Variants in GVQW3 observed in about 807,000 individuals in gnomAD.
GVQW3 encodes the protein GVQW motif containing 3, also known as protein GVQW3.
A neutral mutation model predicts 12.5 loss-of-function variants in GVQW3; 7 were observed. The observed-to-expected ratio is 0.56, with a 90% confidence interval of 0.32 to 1.05. The LOEUF is 1.05. GVQW3 is among the 50% of genes least tolerant of loss of function. The pLI is 0.04. For missense variants in GVQW3, 188 were observed against 190.8 expected (o/e 0.99, Z 0.09); for synonymous variants, 71 against 67.2 (o/e 1.06, Z -0.28).
At position 76,382,284 on chromosome 11, in the gene GVQW3, G is replaced by T. The variant is rs770069373; in HGVS notation, c.456G>T (p.Leu152Phe). 6.6e-7 allele frequency: 1 copy of T among 1,513,944 alleles called. No individual in the cohort carries two copies. The highest frequency in any genetic ancestry group is 8.9e-7 in the Non-Finnish European group (1 of 1,127,088). The allele number at this position is 1,513,944 out of a possible 1,614,324, so 93.8% of individuals were successfully genotyped here. A position where few individuals can be genotyped will look rare whatever the true frequency, so the allele number is the denominator to read the frequency against. ...SKETRKNSSC[L>F]RKKRRNLTML... is the part of the protein sequence containing the mutation. ...AAACTAGGAAAAATAGCTCATGTTT[G>T]AGGAAAAAGGTAACAGGTTCTGAAA... is the stretch of plus-strand genomic sequence containing the variant. The change falls in exon 1 of 2, where the codon TTG becomes TTT. Residue 152 changes from leucine to phenylalanine, a missense_variant. By Grantham distance (22) the Leu-to-Phe change is conservative. Transcript: ENST00000529331.
At position 76,388,694 on chromosome 11, in the gene GVQW3, C is replaced by T. The variant is rs1441911220; in HGVS notation, c.465+6401C>T. On this transcript the variant is annotated intron_variant, in intron 1 of 1. Transcript: ENST00000529331. The stretch of plus-strand genomic sequence containing the variant: ...TCTGAAATCTAATTATATTACTCTT[C>T]ACTCTTGCAAATTTTCTGTTCCGTG... Among the ~76,000 whole-genome samples, 5 of 152,088 alleles carry T rather than the reference C, an allele frequency of 3.3e-5. 1 individual carries two copies. The South Asian group carries it at 1.0e-3, about 32-fold the overall frequency.
intron 1 of GVQW3, among the ~76,000 whole-genome samples, chr11:76,398,152 A>G (rs928253588): frequency 6.7e-6 from 1 of 148,878 alleles, no homozygotes; most frequent in Non-Finnish European, 1.5e-5. Context: ...AAAAAAAAAG[A>G]AAGAAAAGAA....
chr11:76,409,830 C>A (rs1019724920), downstream of GVQW3, among the ~76,000 whole-genome samples: 4 of 152,196 alleles, frequency 2.6e-5, no homozygotes, highest in African/African-American at 9.7e-5. Context: ...CAGAGCCTCA[C>A]TAGTGATGCT....
intron 1 of GVQW3, among the ~76,000 whole-genome samples, chr11:76,387,962 G>A (rs1420711911): frequency 1.3e-5 from 2 of 152,198 alleles, no homozygotes; most frequent in African/African-American, 2.4e-5. Flanking sequence ...GAGGGACTCT[G>A]TGGAGCCAGG....
downstream of GVQW3, among the ~76,000 whole-genome samples, chr11:76,410,048 G>C (rs1424639657): frequency 6.6e-6 from 1 of 152,094 alleles, no homozygotes; most frequent in African/African-American, 2.4e-5. Context: ...CTTGAACCCA[G>C]GAGTTCAAGA....
intron 1 of GVQW3, among the ~76,000 whole-genome samples, chr11:76,398,062 G>A (rs1946955433): frequency 6.6e-6 from 1 of 150,402 alleles, no homozygotes; most frequent in Non-Finnish European, 1.5e-5. Flanking sequence ...TTGAACCCAG[G>A]AGGCAGAGGT....
chr11:76,399,657 A>G (rs1336160259), intron 1 of GVQW3, among the ~76,000 whole-genome samples: 2 of 152,162 alleles, frequency 1.3e-5, no homozygotes, highest in African/African-American at 4.8e-5. Context: ...TAATGCGAGC[A>G]GGCCTCATTC....
At chr11:76,386,259 G>T in intron 1 of GVQW3, among the ~76,000 whole-genome samples, 1 of 152,062 alleles carries the variant, frequency 6.6e-6, no homozygotes, top group East Asian at 1.9e-4. Context: ...TGCTTCATTT[G>T]CCCCACTAGT....
At chr11:76,384,413 C>A (rs1286726266) in intron 1 of GVQW3, among the ~76,000 whole-genome samples, 1 of 152,226 alleles carries the variant, frequency 6.6e-6, no homozygotes, top group African/African-American at 2.4e-5. Context: ...ACCTCCGCCT[C>A]CCAGGTTCAA....
At chr11:76,395,766 G>T (rs1946933060) in intron 1 of GVQW3, among the ~76,000 whole-genome samples, 1 of 152,158 alleles carries the variant, frequency 6.6e-6, no homozygotes, top group Admixed American at 6.5e-5. Flanking sequence ...ATGGAATACA[G>T]TGATAATAGT....
chr11:76,392,588 AT>A (rs910955117), intron 1 of GVQW3: 4 of 152,212 alleles, frequency 2.6e-5, no homozygotes, highest in African/African-American at 9.6e-5. Flanking sequence ...TAAAATGTAC[AT>A]TCTTATGATA....
At chr11:76,409,898 C>T (rs571459688), downstream of GVQW3, among the ~76,000 whole-genome samples, 1 of 152,262 alleles carries the variant, frequency 6.6e-6, no homozygotes, top group South Asian at 2.1e-4. Flanking sequence ...GGGTACTTTC[C>T]ACCCTGCTCA....
intron 1 of GVQW3, among the ~76,000 whole-genome samples, chr11:76,400,821 C>T (rs1193708271): frequency 1.3e-5 from 2 of 152,104 alleles, no homozygotes; most frequent in African/African-American, 2.4e-5. Context: ...CTCTCTTTAT[C>T]TCTCTTTACT....
At chr11:76,389,691 C>T (rs1283455666) in intron 1 of GVQW3, 1 of 152,202 alleles carries the variant, frequency 6.6e-6, no homozygotes, top group Non-Finnish European at 1.5e-5. Context: ...ACCTCCTTTG[C>T]ATTTCATTCT....
chr11:76,382,792 G>A (rs1419667649), intron 1 of GVQW3: 1 of 220,496 alleles, frequency 4.5e-6, no homozygotes, highest in African/African-American at 2.3e-5. Flanking sequence ...AGTGAGAAGA[G>A]AGGAACAGGA....
At chr11:76,392,842 A>G (rs909838150) in intron 1 of GVQW3, 1 of 152,174 alleles carries the variant, frequency 6.6e-6, no homozygotes, top group Non-Finnish European at 1.5e-5. Context: ...TTGTGTTTTT[A>G]ATATTTCTCA....
chr11:76,386,975 T>C (rs1946840606), intron 1 of GVQW3, among the ~76,000 whole-genome samples: 1 of 152,190 alleles, frequency 6.6e-6, no homozygotes, highest in Non-Finnish European at 1.5e-5. Context: ...TTATGGGCCA[T>C]ATGGTCTCTT....
At chr11:76,410,950 C>T (rs1245298455), downstream of GVQW3, 1 of 152,194 alleles carries the variant, frequency 6.6e-6, no homozygotes, top group Non-Finnish European at 1.5e-5. Flanking sequence ...GAAAGCATAA[C>T]ATCCTGCTTT....
At chr11:76,414,093 C>T (rs1310332616) in exon 2 of GVQW3, 3 of 152,188 alleles carry the variant, frequency 2.0e-5, no homozygotes, top group South Asian at 2.1e-4. Context: ...TGCTTTATTT[C>T]TACCATTGTC....
Sources: allele counts gnomAD v4.1 joint callset (sites outside exome capture counted in the v4.1 genomes callset), GRCh38; gene constraint gnomAD v4.1.1; transcripts MANE v1.5; gene names NCBI Gene and HGNC (gene_info 2026-07-23, HGNC 2026-07-21).